ATP5F1E: variants seen among roughly 807,000 people sequenced by gnomAD.
The protein encoded by ATP5F1E is ATP synthase F1 subunit epsilon.
In ATP5F1E, 5 loss-of-function variants were observed where a neutral mutation model predicts 7.0. The ratio of observed to expected loss-of-function variants is 0.71; its 90% CI spans 0.37 to 1.49. The LOEUF (loss-of-function observed/expected upper bound fraction) is 1.49. ATP5F1E is among the 40% of genes most tolerant of loss of function. ATP5F1E has a pLI of 0.03. For missense variants in ATP5F1E, 59 were observed against 57.1 expected (o/e 1.03, Z -0.11); for synonymous variants, 20 against 20.1 (o/e 0.99, Z 0.02).
At chr20:59,029,566 T>G (rs765308031) in intron 2 of ATP5F1E, 1 of 152,204 alleles carries the variant, frequency 6.6e-6, no homozygotes, top group Admixed American at 6.5e-5. Flanking sequence ...CTGAAAAACA[T>G]CTCTCTGATA....
chr20:59,031,746 T>A (rs893239698), intron 1 of ATP5F1E, among the ~76,000 whole-genome samples: 11 of 150,752 alleles, frequency 7.3e-5, no homozygotes, highest in Non-Finnish European at 1.3e-4. Flanking sequence ...CTTAAAAGTT[T>A]AAAAAAAAAA....
chr20:59,029,042 A>G (rs2092009535), intron 2 of ATP5F1E: 2 of 150,632 alleles, frequency 1.3e-5, no homozygotes, highest in Non-Finnish European at 2.9e-5. Flanking sequence ...GAGTAAAAGT[A>G]AACACTCTCC....
intron 1 of ATP5F1E, among the ~76,000 whole-genome samples, 189 bp downstream of exon 1, chr20:59,032,031 A>G (rs1218832147): frequency 6.6e-6 from 1 of 152,232 alleles, no homozygotes; most frequent in Non-Finnish European, 1.5e-5. Flanking sequence ...ACGCGCTCCC[A>G]CGCGAGGTCG....
Position 59,030,392 on chromosome 20 carries a change from T to C in ATP5F1E, c.70A>G (p.Arg24Gly). Reference sequence around the variant, plus strand: ...TTGAATTCTGTCTTCAGTGCATCTCTCACTGCTTTTGCACAGATCTGGGAG... The same window carrying C: ...TTGAATTCTGTCTTCAGTGCATCTCCCACTGCTTTTGCACAGATCTGGGAG... ...RYSQICAKAV[R>G]DALKTEFKAN... Residue 24 changes from arginine (R) to glycine (G), a missense_variant, in exon 2 of 3, where the codon AGA becomes GGA. Coordinates refer to ENST00000243997, the MANE Select transcript of ATP5F1E (RefSeq NM_006886.4). 6.2e-7 allele frequency: 1 copy of C among 1,613,970 alleles called. No individual in the cohort carries two copies. The highest frequency in any genetic ancestry group is 1.1e-5 in the South Asian group (1 of 91,086).
In ATP5F1E at chr20:59,032,268, A is replaced by G; in HGVS notation, c.-17T>C. ...GGCCACCATGCTGTAGCGAAAGCGG[A>G]GCTCGTCGGGCCGAATCGCCAAGAC... On this transcript the variant is annotated 5_prime_UTR_variant, in exon 1 of 3. Transcript: ENST00000243997. 1.3e-6 allele frequency: 2 copies of G among 1,599,366 alleles called. No homozygotes were observed. The highest frequency in any genetic ancestry group is 1.3e-5 in the African/African-American group (1 of 74,930).
chr20:59,029,486 TA>T (rs2092012230), intron 2 of ATP5F1E: 1 of 152,254 alleles, frequency 6.6e-6, no homozygotes, highest in Non-Finnish European at 1.5e-5. Flanking sequence ...GCCAAAGGAT[TA>T]ATATTTATCA....
rs1033309092 is a variant in ATP5F1E, at chr20:59,026,258, A to T, written c.*2587T>A. On this transcript the variant is annotated 3_prime_UTR_variant, in exon 3 of 3. Transcript: ENST00000243997. ...AAAATACCTTGCCATCGGATCATCA[A>T]CAAGTCTTCTATTTACAAACTTCAA... 6.6e-6 allele frequency: 1 copy of T among 152,242 alleles called. No homozygotes were observed. Among genetic ancestry groups the T allele is most frequent in the Admixed American group, 6.5e-5 (1 of 15,286 alleles). The allele number at this position is 152,242 out of a possible 1,614,324, so 9.4% of individuals were successfully genotyped here.
At chr20:59,028,906 G>A (rs948672451) in intron 2 of ATP5F1E, 65 bp from the exon 3 acceptor site, 7 of 165,964 alleles carry the variant, frequency 4.2e-5, no homozygotes, top group Non-Finnish European at 5.9e-5. Flanking sequence ...AACTCAACAT[G>A]AATATAAGAA....
intron 1 of ATP5F1E, among the ~76,000 whole-genome samples, 170 bp from the exon 2 acceptor site, chr20:59,030,599 A>G (rs1194267749): frequency 2.9e-4 from 44 of 152,266 alleles, no homozygotes; most frequent in Non-Finnish European, 7.3e-5. Context: ...ATACAAAGAA[A>G]AAGAACTAGA....
chr20:59,032,331 G>C lies in ATP5F1E; in HGVS notation c.-80C>G, dbSNP rs1190177588. The C allele has an allele frequency of 1.3e-6, 2 of 1,543,336 alleles. No homozygotes were observed. The highest frequency in any genetic ancestry group is 3.9e-5 in the Admixed American group (2 of 51,630). On this transcript the variant is annotated 5_prime_UTR_variant, in exon 1 of 3. Coordinates refer to ENST00000243997, the MANE Select transcript of ATP5F1E (RefSeq NM_006886.4). ...GGCTCAGCCGGGCGGTTCAGCCGCA[G>C]GAAGATCAGACCACAGAAGCGGAAG...
At chr20:59,031,638 T>G (rs562419271) in intron 1 of ATP5F1E, among the ~76,000 whole-genome samples, 1 of 152,342 alleles carries the variant, frequency 6.6e-6, no homozygotes, top group Admixed American at 6.5e-5. Flanking sequence ...GGTTCCATAT[T>G]TGAGCTTTCC....
At position 59,031,639 on chromosome 20, in the gene ATP5F1E, T is replaced by G. The variant is rs561430274; in HGVS notation, c.32+581A>C. ...CATGTCCTCAAGTGGGTTCCATATT[T>G]GAGCTTTCCAGGAGCCACCTCTCAT... On this transcript the variant is annotated intron_variant, in intron 1 of 2. Transcript: ENST00000243997. Among the ~76,000 whole-genome samples, 3 of 152,344 alleles carry G rather than the reference T, an allele frequency of 2.0e-5. 1 individual carries two copies. In the South Asian group the frequency reaches 6.2e-4, roughly 32 times the overall value.
At position 59,026,622 on chromosome 20, in the gene ATP5F1E, C is replaced by T. The variant is rs2091995944; in HGVS notation, c.*2223G>A. 6.6e-6 allele frequency: 1 copy of T among 152,210 alleles called. No individual in the cohort carries two copies. The highest frequency in any genetic ancestry group is 2.4e-5 in the African/African-American group (1 of 41,454). 9.4% of individuals were successfully genotyped at this position (152,210 alleles called of 1,614,324 possible). ...TTTAAATGGCAAAATTGCTTTATTT[C>T]AGACTAAATAAATTCCTTTTCTTGA... On this transcript the variant is annotated 3_prime_UTR_variant, in exon 3 of 3. Transcript: ENST00000243997.
chr20:59,028,937 T>A (rs1208141888), intron 2 of ATP5F1E, 96 bp from the exon 3 acceptor site: 1 of 162,298 alleles, frequency 6.2e-6, no homozygotes, highest in Non-Finnish European at 1.5e-5. Context: ...TATAGTGAAC[T>A]GTATAACTGT....
chr20:59,030,130 T>G (rs1452788767), intron 2 of ATP5F1E, 173 bp downstream of exon 2: 1 of 708,304 alleles, frequency 1.4e-6, no homozygotes, highest in Non-Finnish European at 2.1e-6. Flanking sequence ...TTCTTTTTAT[T>G]AGGCCAGGGG....
intron 1 of ATP5F1E, 99 bp from the exon 2 acceptor site, chr20:59,030,528 G>A (rs1174358607): frequency 4.7e-6 from 7 of 1,476,764 alleles, no homozygotes; most frequent in East Asian, 2.3e-5. Flanking sequence ...TTTTATTTTG[G>A]TTTGGTTGTA....
Position 59,027,844 on chromosome 20 carries a change from G to C in ATP5F1E, c.*1001C>G, listed in dbSNP as rs1419456977. The C allele has an allele frequency of 6.6e-6, 1 of 152,168 alleles. No homozygotes were observed. The highest frequency in any genetic ancestry group is 1.5e-5 in the Non-Finnish European group (1 of 68,028). The allele number at this position is 152,168 out of a possible 1,614,324, so 9.4% of individuals were successfully genotyped here. ...AGCCGAGAACAAAGATGTTCTTTTC[G>C]GCTTATCCTCGGCATTGCTGACAGT... is the stretch of plus-strand genomic sequence containing the variant. On this transcript the variant is annotated 3_prime_UTR_variant, in exon 3 of 3. Transcript: ENST00000243997.
In ATP5F1E at chr20:59,025,508, G is replaced by A. The variant is rs1234630369; in HGVS notation, c.*3337C>T. The A allele has an allele frequency of 6.6e-6, 1 of 152,602 alleles. No homozygotes were observed. Among genetic ancestry groups the A allele is most frequent in the Non-Finnish European group, 1.5e-5 (1 of 68,356 alleles). The allele number at this position is 152,602 out of a possible 1,614,324, so 9.5% of individuals were successfully genotyped here. A position where few individuals can be genotyped will look rare whatever the true frequency, so the allele number is the denominator to read the frequency against. ...TCTGATCTTTATTTCTGAAGAGCTA[G>A]CCTTTAACATATATGTTTATATAGT... On this transcript the variant is annotated 3_prime_UTR_variant, in exon 3 of 3. Coordinates refer to ENST00000243997, the MANE Select transcript of ATP5F1E (RefSeq NM_006886.4).
At position 59,026,199 on chromosome 20, in the gene ATP5F1E, T is replaced by G. The variant is rs1015842423; in HGVS notation, c.*2646A>C. On this transcript the variant is annotated 3_prime_UTR_variant, in exon 3 of 3. Coordinates refer to ENST00000243997, the MANE Select transcript of ATP5F1E (RefSeq NM_006886.4). ...AAACTTCACTCTTTTCACTTATGCA[T>G]CACGAGGAAATAACTAAAATACATA... is the stretch of plus-strand genomic sequence containing the variant. The G allele has an allele frequency of 3.9e-5, 6 of 152,238 alleles. No individual in the cohort carries two copies. Among genetic ancestry groups the G allele is most frequent in the African/African-American group, 1.4e-4 (6 of 41,444 alleles). The allele number at this position is 152,238 out of a possible 1,614,324, so 9.4% of individuals were successfully genotyped here. A position where few individuals can be genotyped will look rare whatever the true frequency, so the allele number is the denominator to read the frequency against.
Sources: gnomAD v4.1 joint callset for allele counts (sites outside exome capture counted in the v4.1 genomes callset) on GRCh38, gnomAD v4.1.1 for gene constraint, MANE v1.5 for transcripts, NCBI Gene and HGNC (gene_info 2026-07-23, HGNC 2026-07-21) for gene names.